COBLL1: variants seen among roughly 807,000 people sequenced by gnomAD.
COBLL1 encodes the protein cordon-bleu protein-like 1.
A neutral mutation model predicts 94.8 loss-of-function variants in COBLL1; 50 were observed. The ratio of observed to expected loss-of-function variants is 0.53; its 90% CI spans 0.42 to 0.67. The LOEUF is 0.67. Ranked by LOEUF, COBLL1 falls within the 30% of genes least tolerant of loss-of-function variation. COBLL1 has a pLI of 0.00. For missense variants in COBLL1, 1,362 were observed against 1,348.7 expected, an observed-to-expected ratio of 1.01 and a Z score of -0.15; for synonymous variants, 448 against 473.8, an observed-to-expected ratio of 0.95 and a Z score of 0.71.
chr2:164,800,201 AATAT>A (rs1683694599), intron 2 of COBLL1, among the ~76,000 whole-genome samples: 1 of 152,240 alleles, frequency 6.6e-6, no homozygotes, highest in East Asian at 1.9e-4. Flanking sequence ...TTGTATCCAG[AATAT>A]ATAAAGAACT....
At chr2:164,726,562 T>C (rs1380816250) in intron 5 of COBLL1, among the ~76,000 whole-genome samples, 1 of 152,152 alleles carries the variant, frequency 6.6e-6, no homozygotes. Flanking sequence ...TAACCACTAT[T>C]GAAATTTTTT....
At position 164,828,761 on chromosome 2, in the gene COBLL1, T is replaced by C. The variant is rs150776950; in HGVS notation, c.41+12395A>G. On this transcript the variant is annotated intron_variant, in intron 2 of 13. Coordinates refer to ENST00000652658, the MANE Select transcript of COBLL1 (RefSeq NM_001365672.2). ...TTCAAATCTGACTTGGCATAAAATA[T>C]TTTTTTGTTAAAGACAACTTTATTG... Among the ~76,000 whole-genome samples the C allele has an allele frequency of 7.3e-4, 111 of 152,308 alleles. 1 individual carries two copies. The highest frequency in any genetic ancestry group is 1.4e-3 in the Non-Finnish European group (92 of 68,020).
chr2:164,753,660 T>A (rs1004129293), intron 2 of COBLL1, among the ~76,000 whole-genome samples: 2 of 152,128 alleles, frequency 1.3e-5, no homozygotes, highest in Admixed American at 6.6e-5. Context: ...TATTTAGTTT[T>A]AATTTGAATT....
rs564082741 is a variant in COBLL1 at position 164,760,395 on chromosome 2, T to A, written c.42-16520A>T. On this transcript the variant is annotated intron_variant, in intron 2 of 13. Transcript: ENST00000652658. ...ATGGCAGCCAAATTTGGAGGCATGA[T>A]GAGACTATTAAGGGTTAACATGAGG... Among the ~76,000 whole-genome samples the A allele has an allele frequency of 2.6e-5, 4 of 152,280 alleles. No individual in the cohort carries two copies. The East Asian group carries it at 7.7e-4, about 29-fold the overall frequency.
At chr2:164,701,732 T>A (rs1211852900) in intron 9 of COBLL1, among the ~76,000 whole-genome samples, 1 of 152,162 alleles carries the variant, frequency 6.6e-6, no homozygotes, top group Non-Finnish European at 1.5e-5. Context: ...GAAGGAGGCA[T>A]CCTGAGCAGT....
At chr2:164,701,482 A>G (rs1684253574) in intron 9 of COBLL1, among the ~76,000 whole-genome samples, 1 of 152,216 alleles carries the variant, frequency 6.6e-6, no homozygotes, top group South Asian at 2.1e-4. Flanking sequence ...TGTCCTGAGA[A>G]AGTGTAATAT....
At chr2:164,703,226 AAAG>A (rs776537705) in intron 9 of COBLL1, 52 of 1,593,658 alleles carry the variant, frequency 3.3e-5, no homozygotes, top group Non-Finnish European at 3.1e-5. Context: ...GGTTTCTGCC[AAAG>A]AAGTAGAATC....
In COBLL1 at chr2:164,695,563, C is replaced by T; in HGVS notation, c.1829G>A (p.Cys610Tyr). ...KDAAIQTTPS[C>Y]NSFDGKHQDH... is the part of the protein sequence containing the mutation. ...TTGGTGTTTCCCATCAAAACTGTTACAAGAAGGGGTTGTCTGAATTGCTGC... is the reference window on the plus strand; with the variant it reads ...TTGGTGTTTCCCATCAAAACTGTTATAAGAAGGGGTTGTCTGAATTGCTGC... Residue 610 changes from cysteine (C) to tyrosine (Y), a missense_variant, in exon 12 of 14, where the codon TGT (cysteine) becomes TAT (tyrosine). Coordinates refer to ENST00000652658, the MANE Select transcript of COBLL1 (RefSeq NM_001365672.2). 1 of 1,613,916 alleles carries T rather than the reference C, an allele frequency of 6.2e-7. No individual in the cohort carries two copies. Among genetic ancestry groups the T allele is most frequent in the Non-Finnish European group, 8.5e-7 (1 of 1,179,914 alleles).
At chr2:164,670,439 A>T (rs1196512219) in intron 1 of COBLL1, among the ~76,000 whole-genome samples, 4 of 152,222 alleles carry the variant, frequency 2.6e-5, no homozygotes, top group African/African-American at 9.6e-5. Context: ...TGAAGATAAT[A>T]GCATTTCTAG....
chr2:164,789,036 C>T (rs1364095625), intron 2 of COBLL1, among the ~76,000 whole-genome samples: 2 of 149,094 alleles, frequency 1.3e-5, no homozygotes, highest in African/African-American at 4.9e-5. Context: ...CACACACACA[C>T]ACACACACAC....
At position 164,717,345 on chromosome 2, in the gene COBLL1, TA is replaced by T. The variant is rs538873921; in HGVS notation, c.996+4729del. Among the ~76,000 whole-genome samples the T allele has an allele frequency of 2.6e-3, 399 of 152,330 alleles. 1 individual carries two copies. The highest frequency in any genetic ancestry group is 9.3e-3 in the African/African-American group (386 of 41,574). On this transcript the variant is annotated intron_variant, in intron 7 of 13. Transcript: ENST00000652658. ...TCAACATGCTATCATTTTCAATCAC[TA>T]AAAATAGTGATATTTTACATTTTCA...
At chr2:164,773,344 G>A (rs1483542396) in intron 2 of COBLL1, among the ~76,000 whole-genome samples, 1 of 152,090 alleles carries the variant, frequency 6.6e-6, no homozygotes, top group Non-Finnish European at 1.5e-5. Context: ...TTAAGGCTAG[G>A]AAGTGTTTCC....
intron 2 of COBLL1, among the ~76,000 whole-genome samples, chr2:164,819,911 T>C (rs1319694575): frequency 6.6e-6 from 1 of 151,390 alleles, no homozygotes; most frequent in East Asian, 2.0e-4. Context: ...CTGCAACCTC[T>C]GCCCCCTGGG....
chr2:164,742,086 G>T (rs1686627309), intron 3 of COBLL1, among the ~76,000 whole-genome samples: 2 of 152,032 alleles, frequency 1.3e-5, no homozygotes, highest in Non-Finnish European at 2.9e-5. Flanking sequence ...CAGAAGAAAA[G>T]TTAACTCGGG....
chr2:164,691,221 G>A (rs77669945), intron 13 of COBLL1, among the ~76,000 whole-genome samples: 3,619 of 152,202 alleles, frequency 0.024, 69 homozygotes, highest in Non-Finnish European at 0.04. Context: ...ATGCAGTCAA[G>A]TTTGGCCAAT....
chr2:164,699,364 T>C (rs779623431), intron 11 of COBLL1, 41 bp downstream of exon 11: 52 of 1,289,988 alleles, frequency 4.0e-5, no homozygotes, highest in Non-Finnish European at 5.7e-5. Context: ...TGGCACATAA[T>C]AAAAGTAAGA....
At chr2:164,706,054 CAA>C (rs1441130900) in intron 7 of COBLL1, among the ~76,000 whole-genome samples, 2 of 152,030 alleles carry the variant, frequency 1.3e-5, no homozygotes, top group South Asian at 2.1e-4. Flanking sequence ...AATAAATAAA[CAA>C]AAGAGTTGTT....
intron 7 of COBLL1, among the ~76,000 whole-genome samples, chr2:164,706,085 T>G (rs1574444593): frequency 6.6e-6 from 1 of 152,106 alleles, no homozygotes; most frequent in Non-Finnish European, 1.5e-5. Context: ...GTGTCTCCAA[T>G]TTCTCTTATC....
rs772093921 is a variant in COBLL1, at chr2:164,695,156, T to C, written c.2236A>G (p.Lys746Glu). The change falls in exon 12 of 14, where the codon AAA becomes GAA. Residue 746 changes from lysine (K) to glutamate (E), a missense_variant. Physicochemically the swap from Lys to Glu is moderately conservative, Grantham distance 56. Transcript: ENST00000652658. ...TCTATGGTTTCTGATTGCCAGTCTT[T>C]CGATATTTCCAAGGATTTGGGAGGC... ...IVPPKSLEIS[K>E]DWQSETIEYK... 3 of 1,613,882 alleles carry C rather than the reference T, an allele frequency of 1.9e-6. No homozygotes were observed. The highest frequency in any genetic ancestry group is 2.7e-5 in the African/African-American group (2 of 74,884).
Sources: gnomAD v4.1 joint callset for allele counts (sites outside exome capture counted in the v4.1 genomes callset) on GRCh38, gnomAD v4.1.1 for gene constraint, MANE v1.5 for transcripts, NCBI Gene and HGNC (gene_info 2026-07-23, HGNC 2026-07-21) for gene names.